Variants in STAU1 observed in about 807,000 individuals in gnomAD.
STAU1 encodes staufen double-stranded RNA binding protein 1.
In STAU1, 13 loss-of-function variants were observed where a neutral mutation model predicts 62.9. The ratio of observed to expected loss-of-function variants is 0.21; its 90% CI spans 0.13 to 0.33. The LOEUF (loss-of-function observed/expected upper bound fraction) is 0.33, where lower values mean the gene tolerates loss of function less well. Ranked by LOEUF, STAU1 falls within the 10% of genes least tolerant of loss-of-function variation. The probability of loss-of-function intolerance (pLI) is 1.00; values close to 1 mark genes in which losing one functional copy is unlikely to be tolerated. For missense variants in STAU1, 571 were observed against 712.1 expected, an observed-to-expected ratio of 0.80 and a Z score of 2.25; for synonymous variants, 269 against 265.1, an observed-to-expected ratio of 1.01 and a Z score of -0.14.
chr20:49,139,205 C>T (rs6066978), intron 5 of STAU1, among the ~76,000 whole-genome samples: 58,256 of 151,854 alleles, frequency 0.38, 11,266 homozygotes, highest in Middle Eastern at 0.48. Flanking sequence ...ACATGAAAAC[C>T]GCAGACAACA....
At chr20:49,137,705 G>A (rs2092918445) in intron 5 of STAU1, among the ~76,000 whole-genome samples, 3 of 151,112 alleles carry the variant, frequency 2.0e-5, no homozygotes, top group Admixed American at 1.3e-4. Context: ...TGCTCGTGTC[G>A]CCCAGGCTGG....
the STAU1 span, chr20:49,210,496 G>A: frequency 2.2e-6 from 1 of 454,972 alleles, no homozygotes; most frequent in East Asian, 7.0e-5. Context: ...TCTCCTCCTT[G>A]TTTCTGGTAG....
chr20:49,140,713 TTAG>T (rs999864583), intron 5 of STAU1, among the ~76,000 whole-genome samples: 1 of 152,092 alleles, frequency 6.6e-6, no homozygotes, highest in African/African-American at 2.4e-5. Flanking sequence ...GTTCTGAAAA[TTAG>T]TAGTGACAGT....
At chr20:49,213,146 T>C in the STAU1 span, among the ~76,000 whole-genome samples, 3 of 151,978 alleles carry the variant, frequency 2.0e-5, no homozygotes, top group Non-Finnish European at 4.4e-5. Flanking sequence ...GCTGGGATTA[T>C]AGGCGCACAC....
intron 7 of STAU1, among the ~76,000 whole-genome samples, chr20:49,124,169 G>A (rs890614857): frequency 1.3e-5 from 2 of 152,180 alleles, no homozygotes; most frequent in Admixed American, 6.5e-5. Flanking sequence ...GTGTGTGCCC[G>A]TCTGCGGGTA....
chr20:49,203,382 T>C, the STAU1 span, among the ~76,000 whole-genome samples: 1 of 151,794 alleles, frequency 6.6e-6, no homozygotes, highest in Non-Finnish European at 1.5e-5. Flanking sequence ...CCAAGAACAA[T>C]AGAGAAAATC....
chr20:49,212,615 A>ATTTTTT, the STAU1 span, among the ~76,000 whole-genome samples: 22 of 85,176 alleles, frequency 2.6e-4, no homozygotes, highest in South Asian at 4.4e-4. Context: ...AGCTATTGGA[A>ATTTTTT]TTTTTTTTTT....
At chr20:49,175,683 T>A (rs1173252554) in intron 1 of STAU1, among the ~76,000 whole-genome samples, 2 of 151,270 alleles carry the variant, frequency 1.3e-5, no homozygotes, top group African/African-American at 4.9e-5. Context: ...ATGGCAGGGT[T>A]TTGCCAAGTT....
chr20:49,133,364 C>T (rs1041066829), intron 6 of STAU1, among the ~76,000 whole-genome samples: 3 of 152,134 alleles, frequency 2.0e-5, no homozygotes, highest in East Asian at 3.9e-4. Context: ...TGAGGTGACC[C>T]GGGAAGCCAG....
intron 8 of STAU1, 49 bp downstream of exon 8, chr20:49,123,043 G>A: frequency 6.6e-7 from 1 of 1,525,634 alleles, no homozygotes; most frequent in Non-Finnish European, 8.8e-7. Flanking sequence ...CAGCCCCCAA[G>A]GCTGGACGTG....
At chr20:49,135,519 G>A (rs879822308) in intron 6 of STAU1, among the ~76,000 whole-genome samples, 26 of 152,120 alleles carry the variant, frequency 1.7e-4, no homozygotes, top group Admixed American at 7.9e-4. Context: ...TGATGAACTA[G>A]CCCCTCCACC....
At position 49,134,990 on chromosome 20, in the gene STAU1, AAG is replaced by A. The variant is rs1256522741; in HGVS notation, c.609+841_609+842del. 1.9e-6 allele frequency: 3 copies of A among 1,602,734 alleles called. No homozygotes were observed. In the South Asian group the frequency reaches 3.3e-5, roughly 18 times the overall value. Reference sequence around the variant, plus strand: ...CTTTGTGAAGAGACAGTTCATGAACAAGAGTCTTTCAGGACCTGGACAGCGAA... The same window carrying A: ...CTTTGTGAAGAGACAGTTCATGAACAAGTCTTTCAGGACCTGGACAGCGAA... On this transcript the variant is annotated intron_variant, in intron 6 of 13. Transcript: ENST00000371856.
intron 6 of STAU1, among the ~76,000 whole-genome samples, chr20:49,131,687 A>T (rs994776298): frequency 6.6e-6 from 1 of 152,088 alleles, no homozygotes. Context: ...TACTAAAAAT[A>T]CAAAAATTAG....
chr20:49,153,710 CAAAAAAAAAAAAAAAAAAAA>C (rs145558067), intron 4 of STAU1, among the ~76,000 whole-genome samples: 8 of 67,592 alleles, frequency 1.2e-4, no homozygotes, highest in East Asian at 4.7e-4. Context: ...GACTCTGTCT[CAAAAAAAAAAAAAAAAAAAA>C]AAAAAAAAAA....
chr20:49,150,996 C>A (rs1293698737), intron 5 of STAU1, among the ~76,000 whole-genome samples: 1 of 152,134 alleles, frequency 6.6e-6, no homozygotes, highest in Non-Finnish European at 1.5e-5. Flanking sequence ...GATCCTCCGG[C>A]CCCGTGCAGA....
chr20:49,143,644 C>T (rs758578429), intron 5 of STAU1, among the ~76,000 whole-genome samples: 17 of 152,170 alleles, frequency 1.1e-4, no homozygotes, highest in Non-Finnish European at 2.1e-4. Context: ...CCACACTTAA[C>T]CCTCACAGTA....
intron 3 of STAU1, among the ~76,000 whole-genome samples, chr20:49,156,725 A>G (rs348271): frequency 0.12 from 18,797 of 152,192 alleles, 1,839 homozygotes; most frequent in African/African-American, 0.28. Context: ...ATTGACTGTA[A>G]TATGTCACTT....
chr20:49,159,517 G>A (rs554464593), intron 3 of STAU1, among the ~76,000 whole-genome samples: 1 of 152,102 alleles, frequency 6.6e-6, no homozygotes, highest in Non-Finnish European at 1.5e-5. Flanking sequence ...ATCCTGGAGA[G>A]GAAATACAAC....
At chr20:49,134,449 A>AAAAAAAAAAAAAAAAAAAG in intron 6 of STAU1, 3 of 609,622 alleles carry the variant, frequency 4.9e-6, no homozygotes, top group Non-Finnish European at 8.7e-6. Flanking sequence ...AAAAAAAAAA[A>AAAAAAAAAAAAAAAAAAAG]GCTCTGGGTT....
Sources: gnomAD v4.1 joint callset for allele counts (sites outside exome capture counted in the v4.1 genomes callset) on GRCh38, gnomAD v4.1.1 for gene constraint, MANE v1.5 for transcripts, NCBI Gene and HGNC (gene_info 2026-07-23, HGNC 2026-07-21) for gene names.